The following SLC8A1 variants were observed in gnomAD, a reference collection of about 807,000 sequenced individuals.
The protein encoded by SLC8A1 is sodium/calcium exchanger 1.
Under a neutral mutation model 68.3 loss-of-function variants are expected in SLC8A1, and 18 were observed. The observed-to-expected ratio is 0.26, with a 90% CI of 0.18 to 0.39. The LOEUF is 0.39. Among genes scored for constraint, SLC8A1 ranks in the 10% least tolerant of loss-of-function variants. The pLI is 1.00. For missense variants in SLC8A1, 985 were observed against 1,156.7 expected (o/e 0.85, Z 2.15); for synonymous variants, 475 against 415.5 (o/e 1.14, Z -1.74).
chr2:40,454,637 T>G (rs893307150), upstream of SLC8A1, among the ~76,000 whole-genome samples: 8 of 152,170 alleles, frequency 5.3e-5, no homozygotes, highest in Admixed American at 5.2e-4. Flanking sequence ...CTAGAACTAT[T>G]GGAGAGGCAG....
chr2:40,343,284 G>A (rs959568842), intron 2 of SLC8A1, among the ~76,000 whole-genome samples: 3 of 151,886 alleles, frequency 2.0e-5, no homozygotes, highest in East Asian at 1.9e-4. Flanking sequence ...CTTCCACCTC[G>A]TCTTTTCTTG....
intron 7 of SLC8A1, among the ~76,000 whole-genome samples, chr2:40,129,405 CTT>C (rs11366756): frequency 1.7e-4 from 26 of 149,766 alleles, no homozygotes; most frequent in African/African-American, 3.2e-4. Context: ...TAATTTAAAA[CTT>C]TTTTTTTTTG....
chr2:40,198,216 G>C (rs1054467237), intron 2 of SLC8A1, among the ~76,000 whole-genome samples: 5 of 151,854 alleles, frequency 3.3e-5, no homozygotes, highest in African/African-American at 1.2e-4. Flanking sequence ...TAAAATATAG[G>C]GATTAGAAGT....
chr2:40,248,311 C>T (rs565289064), intron 2 of SLC8A1, among the ~76,000 whole-genome samples: 2 of 152,222 alleles, frequency 1.3e-5, no homozygotes, highest in African/African-American at 4.8e-5. Flanking sequence ...GGTTGAAATC[C>T]TAACTCCCAG....
At chr2:40,286,118 G>T (rs1223293281) in intron 2 of SLC8A1, among the ~76,000 whole-genome samples, 2 of 152,184 alleles carry the variant, frequency 1.3e-5, no homozygotes, top group Non-Finnish European at 2.9e-5. Context: ...ACAGACAGTA[G>T]TAGCTAATAG....
At chr2:40,359,787 G>C (rs1346961607) in intron 2 of SLC8A1, among the ~76,000 whole-genome samples, 1 of 152,046 alleles carries the variant, frequency 6.6e-6, no homozygotes, top group African/African-American at 2.4e-5. Flanking sequence ...CATTGCAGTA[G>C]GGGTACAAAG....
chr2:40,156,360 G>GTT (rs71404280), intron 6 of SLC8A1, among the ~76,000 whole-genome samples: 6 of 140,750 alleles, frequency 4.3e-5, no homozygotes, highest in African/African-American at 5.2e-5. Context: ...AACTGCTGGA[G>GTT]TTTTTTTTTT....
chr2:40,178,280 G>T, intron 2 of SLC8A1, 107 bp downstream of exon 3: 1 of 838,876 alleles, frequency 1.2e-6, no homozygotes, highest in Non-Finnish European at 2.0e-6. Flanking sequence ...TGTTACATAG[G>T]TGGAGGGATG....
chr2:40,388,181 G>C (rs1006883715), intron 2 of SLC8A1, among the ~76,000 whole-genome samples: 5 of 152,070 alleles, frequency 3.3e-5, no homozygotes, highest in Non-Finnish European at 7.3e-5. Flanking sequence ...ACCCGCTTTA[G>C]GGATTAGGGC....
At chr2:40,146,311 T>C (rs1419909776) in intron 6 of SLC8A1, among the ~76,000 whole-genome samples, 2 of 152,266 alleles carry the variant, frequency 1.3e-5, no homozygotes, top group Middle Eastern at 6.8e-3. Flanking sequence ...TGCCGAATGG[T>C]TACTTGTGCC....
intron 1 of SLC8A1, among the ~76,000 whole-genome samples, chr2:40,468,529 T>G: frequency 6.6e-6 from 1 of 152,194 alleles, no homozygotes; most frequent in South Asian, 2.1e-4. Context: ...TTTTAATTTC[T>G]GCTTAATTAA....
intron 2 of SLC8A1, among the ~76,000 whole-genome samples, chr2:40,413,264 A>G (rs906653001): frequency 1.3e-5 from 2 of 152,190 alleles, no homozygotes; most frequent in African/African-American, 2.4e-5. Flanking sequence ...ATATACCCAA[A>G]GGTTTATAAA....
intron 2 of SLC8A1, among the ~76,000 whole-genome samples, chr2:40,182,395 A>G (rs1167906688): frequency 6.6e-6 from 1 of 152,224 alleles, no homozygotes; most frequent in Non-Finnish European, 1.5e-5. Flanking sequence ...TCTGGAAACT[A>G]GCAAAGCAGT....
chr2:40,184,818 A>C (rs1176067698), intron 2 of SLC8A1, among the ~76,000 whole-genome samples: 1 of 151,182 alleles, frequency 6.6e-6, no homozygotes, highest in Non-Finnish European at 1.5e-5. Flanking sequence ...GGAGTTTGAA[A>C]TTTAATCCAC....
intron 2 of SLC8A1, among the ~76,000 whole-genome samples, chr2:40,350,318 C>T (rs918323996): frequency 3.9e-5 from 6 of 151,930 alleles, no homozygotes; most frequent in African/African-American, 1.2e-4. Context: ...TCTGTCTCTA[C>T]AAAAATTTAA....
chr2:40,168,826 C>A (rs1558601310), intron 4 of SLC8A1, among the ~76,000 whole-genome samples: 1 of 152,290 alleles, frequency 6.6e-6, no homozygotes, highest in East Asian at 1.9e-4. Flanking sequence ...TGCACATGCA[C>A]ACTTTTAAAA....
chr2:40,220,331 C>G (rs145606368), intron 2 of SLC8A1: 44 of 152,282 alleles, frequency 2.9e-4, no homozygotes, highest in African/African-American at 9.9e-4. Context: ...TCTGACTTGG[C>G]TCTTTCACCT....
chr2:40,484,675 T>G (rs974337858), intron 1 of SLC8A1, among the ~76,000 whole-genome samples: 7 of 152,196 alleles, frequency 4.6e-5, no homozygotes, highest in African/African-American at 1.7e-4. Context: ...TACTATCAGC[T>G]GAGTTAGCAA....
At chr2:40,412,259 G>A (rs1484771886) in intron 2 of SLC8A1, among the ~76,000 whole-genome samples, 1 of 152,064 alleles carries the variant, frequency 6.6e-6, no homozygotes, top group Non-Finnish European at 1.5e-5. Context: ...AACCTTTTTG[G>A]TGAGATGGAC....
Sources: gnomAD v4.1 joint callset for allele counts (sites outside exome capture counted in the v4.1 genomes callset) on GRCh38, gnomAD v4.1.1 for gene constraint, MANE v1.5 for transcripts, NCBI Gene and HGNC (gene_info 2026-07-23, HGNC 2026-07-21) for gene names.